Variants in AGMO observed in about 807,000 individuals in gnomAD.
AGMO encodes alkylglycerol monooxygenase.
A neutral mutation model predicts 60.2 loss-of-function variants in AGMO; 75 were observed. The ratio of observed to expected loss-of-function variants is 1.25; its 90% confidence interval spans 1.03 to 1.51. AGMO has a LOEUF of 1.51. Among genes scored for constraint, AGMO ranks in the 40% most tolerant of loss-of-function variants. AGMO has a pLI of 0.00. For missense variants in AGMO, 763 were observed against 525.5 expected (o/e 1.45, Z -4.42); for synonymous variants, 261 against 177.1 (o/e 1.47, Z -3.76).
chr7:15,463,419 G>A (rs1208503363), intron 3 of AGMO, among the ~76,000 whole-genome samples: 2 of 152,138 alleles, frequency 1.3e-5, no homozygotes, highest in South Asian at 4.2e-4. Flanking sequence ...GATTTTTCCA[G>A]AACCTCTCTT....
chr7:15,308,329 C>T (rs1480971184), intron 12 of AGMO, among the ~76,000 whole-genome samples: 1 of 151,926 alleles, frequency 6.6e-6, no homozygotes, highest in African/African-American at 2.4e-5. Flanking sequence ...ATCCTTGTTC[C>T]TTTCACTACT....
chr7:15,489,483 T>C (rs1190003520), intron 3 of AGMO, among the ~76,000 whole-genome samples: 2 of 152,124 alleles, frequency 1.3e-5, no homozygotes, highest in African/African-American at 4.8e-5. Flanking sequence ...TTTTGATGCT[T>C]TTGTCCTCCC....
At position 15,322,504 on chromosome 7, in the gene AGMO, A is replaced by G. The variant is rs866677698; in HGVS notation, c.1263+43010T>C. Among the ~76,000 whole-genome samples, 310 of 76,238 alleles carry G rather than the reference A, an allele frequency of 4.1e-3. 8 individuals carry two copies. Among genetic ancestry groups the G allele is most frequent in the African/African-American group, 0.017 (289 of 17,340 alleles). The allele number at this position is 76,238 out of a possible 152,430, so 50.0% of individuals were successfully genotyped here. ...TATATATAAATATATATAAATATAT[A>G]AATATATATATAAATATATATAAAT... On this transcript the variant is annotated intron_variant, in intron 12 of 12. Transcript: ENST00000342526.
chr7:15,545,918 TAA>T (rs1437121729), intron 2 of AGMO, among the ~76,000 whole-genome samples: 1 of 152,016 alleles, frequency 6.6e-6, no homozygotes, highest in South Asian at 2.1e-4. Context: ...GATATATTTA[TAA>T]GTCATCAACA....
intron 3 of AGMO, among the ~76,000 whole-genome samples, chr7:15,518,909 TA>T (rs1249665388): frequency 5.9e-5 from 9 of 151,756 alleles, no homozygotes; most frequent in Non-Finnish European, 8.8e-5. Flanking sequence ...GCAAGGAAGC[TA>T]AGAATATTGA....
rs1044270075 is a variant in AGMO at position 15,543,510 on chromosome 7, T to A, written c.409+1262A>T. The stretch of plus-strand genomic sequence containing the variant: ...TGCATATGGTCAGCGCCTAGCTGAT[T>A]GCATTTTCATTTGTAATGTGGAAGT... On this transcript the variant is annotated intron_variant, in intron 3 of 12. Coordinates refer to ENST00000342526, the MANE Select transcript of AGMO (RefSeq NM_001004320.2). Among the ~76,000 whole-genome samples, 8 of 152,280 alleles carry A rather than the reference T, an allele frequency of 5.3e-5. No homozygotes were observed. In the South Asian group the frequency reaches 8.3e-4, roughly 16 times the overall value.
At chr7:15,352,053 G>A (rs1460065120) in intron 12 of AGMO, among the ~76,000 whole-genome samples, 3 of 152,100 alleles carry the variant, frequency 2.0e-5, no homozygotes, top group African/African-American at 4.8e-5. Context: ...CTTGACTCTT[G>A]TCAAGCAGTT....
chr7:15,541,863 A>G (rs1784639545), intron 3 of AGMO, among the ~76,000 whole-genome samples: 1 of 152,206 alleles, frequency 6.6e-6, no homozygotes, highest in Non-Finnish European at 1.5e-5. Context: ...CATTTAACAT[A>G]CTAACAAATG....
chr7:15,233,610 A>G (rs1782324446), intron 12 of AGMO, among the ~76,000 whole-genome samples: 1 of 152,040 alleles, frequency 6.6e-6, no homozygotes, highest in Non-Finnish European at 1.5e-5. Context: ...TGATGATTAC[A>G]CAGCATTGTC....
At chr7:15,471,710 G>C (rs1447161436) in intron 3 of AGMO, among the ~76,000 whole-genome samples, 1 of 151,860 alleles carries the variant, frequency 6.6e-6, no homozygotes, top group Non-Finnish European at 1.5e-5. Context: ...AGCCAAAACT[G>C]TCAGTACTAA....
chr7:15,223,305 T>C (rs558264958), intron 12 of AGMO, among the ~76,000 whole-genome samples: 12 of 152,096 alleles, frequency 7.9e-5, no homozygotes, highest in African/African-American at 2.6e-4. Flanking sequence ...TCATTATTGA[T>C]ATCTAAGAGA....
intron 3 of AGMO, among the ~76,000 whole-genome samples, chr7:15,518,608 C>T (rs963942501): frequency 6.6e-6 from 1 of 152,114 alleles, no homozygotes; most frequent in African/African-American, 2.4e-5. Context: ...AACTAACAAA[C>T]AAGAAGCAGT....
chr7:15,126,266 T>C, the AGMO span, among the ~76,000 whole-genome samples: 4 of 152,130 alleles, frequency 2.6e-5, no homozygotes, highest in Admixed American at 6.6e-5. Flanking sequence ...ATTATCTTAG[T>C]AACATTTTAA....
chr7:15,302,663 G>A (rs979634703), intron 12 of AGMO, among the ~76,000 whole-genome samples: 1 of 152,102 alleles, frequency 6.6e-6, no homozygotes, highest in African/African-American at 2.4e-5. Context: ...TAATATATTA[G>A]CTGTTTTCAA....
At position 15,386,894 on chromosome 7, in the gene AGMO, A is replaced by T. The variant is rs1383293474; in HGVS notation, c.957+512T>A. On this transcript the variant is annotated intron_variant, in intron 9 of 12. Transcript: ENST00000342526. ...AGATCTTTTTTATTTTTGGTTTTCA[A>T]TGTGGTTTCTGCATTTAATTGTTCT... 3.3e-5 allele frequency among the ~76,000 whole-genome samples: 5 copies of T among 152,028 alleles called. No individual in the cohort carries two copies. In the East Asian group the frequency reaches 7.7e-4, roughly 24 times the overall value.
At chr7:15,164,846 G>T in the AGMO span, among the ~76,000 whole-genome samples, 1 of 151,968 alleles carries the variant, frequency 6.6e-6, no homozygotes. Context: ...ATTTCTTAAA[G>T]AAATAAAAAT....
At chr7:15,440,865 G>A (rs1349873251) in intron 3 of AGMO, among the ~76,000 whole-genome samples, 4 of 152,172 alleles carry the variant, frequency 2.6e-5, no homozygotes, top group African/African-American at 9.7e-5. Context: ...GGATAAGACA[G>A]TCTGATTTCA....
chr7:15,366,923 T>C (rs955190861), intron 10 of AGMO, among the ~76,000 whole-genome samples: 3 of 152,042 alleles, frequency 2.0e-5, no homozygotes, highest in South Asian at 4.1e-4. Flanking sequence ...AGTCTGTCCA[T>C]TGAGATTATT....
chr7:15,180,718 C>G, the AGMO span, among the ~76,000 whole-genome samples: 2 of 152,210 alleles, frequency 1.3e-5, no homozygotes, highest in Non-Finnish European at 2.9e-5. Context: ...GCTGTTTCCA[C>G]ATTTGCAGGT....
Sources: gnomAD v4.1 joint callset for allele counts (sites outside exome capture counted in the v4.1 genomes callset) on GRCh38, gnomAD v4.1.1 for gene constraint, MANE v1.5 for transcripts, NCBI Gene and HGNC (gene_info 2026-07-23, HGNC 2026-07-21) for gene names.